Variants in RNF13 observed in about 807,000 individuals in gnomAD.
RNF13 encodes ring finger protein 13, also known as E3 ubiquitin-protein ligase RNF13.
In RNF13, 19 loss-of-function variants were observed where a neutral mutation model predicts 37.7. The observed-to-expected ratio is 0.50, with a 90% CI of 0.35 to 0.74. The LOEUF (loss-of-function observed/expected upper bound fraction) is 0.74, where lower values mean the gene tolerates loss of function less well. Ranked by LOEUF, RNF13 falls within the 30% of genes least tolerant of loss-of-function variation. RNF13 has a pLI of 0.01. For missense variants in RNF13, 375 were observed against 453.0 expected (o/e 0.83, Z 1.56); for synonymous variants, 144 against 157.8 (o/e 0.91, Z 0.65).
At chr3:149,913,219 A>G (rs1371383114) in intron 7 of RNF13, among the ~76,000 whole-genome samples, 1 of 152,072 alleles carries the variant, frequency 6.6e-6, no homozygotes, top group Admixed American at 6.6e-5. Context: ...AATGTTTTGC[A>G]TGTCTTTTTT....
rs1435275372 is a variant in RNF13, at chr3:149,960,856, C to G, written c.898C>G (p.Gln300Glu). 6.2e-7 allele frequency: 1 copy of G among 1,614,136 alleles called. No homozygotes were observed. Among genetic ancestry groups the G allele is most frequent in the Non-Finnish European group, 8.5e-7 (1 of 1,180,024 alleles). The change falls in exon 10 of 10, where the codon CAA becomes GAA. Residue 300 changes from glutamine (Q) to glutamate (E), a missense_variant. Transcript: ENST00000392894. ...TTCAGACTCTGACACAGACAGTAGT[C>G]AAGAAGAAAATGAAGTGACAGAACA... ...GDSDSDTDSS[Q>E]EENEVTEHTP...
intron 3 of RNF13, among the ~76,000 whole-genome samples, chr3:149,871,687 G>T (rs1712077771): frequency 6.6e-6 from 1 of 151,912 alleles, no homozygotes; most frequent in Non-Finnish European, 1.5e-5. Flanking sequence ...TAACATGAAA[G>T]AAAGTTAATT....
chr3:149,889,012 C>T (rs1714357818), intron 4 of RNF13, among the ~76,000 whole-genome samples: 1 of 152,140 alleles, frequency 6.6e-6, no homozygotes, highest in African/African-American at 2.4e-5. Flanking sequence ...GATCTCAGCT[C>T]ACTGCAACCT....
chr3:149,865,343 T>TATATATATATATATATATATATA (rs939468937), intron 3 of RNF13, among the ~76,000 whole-genome samples: 38 of 147,092 alleles, frequency 2.6e-4, no homozygotes, highest in South Asian at 6.5e-4. Flanking sequence ...TATATATATA[T>TATATATATATATATATATATATA]ATATATATGT....
chr3:149,884,744 T>C (rs1184856323), intron 4 of RNF13, among the ~76,000 whole-genome samples: 1 of 152,194 alleles, frequency 6.6e-6, no homozygotes, highest in Non-Finnish European at 1.5e-5. Context: ...TTATCCTTTG[T>C]GTTACATACA....
chr3:149,841,765 A>G (rs1434368475), intron 1 of RNF13, among the ~76,000 whole-genome samples: 1 of 151,744 alleles, frequency 6.6e-6, no homozygotes, highest in Non-Finnish European at 1.5e-5. Flanking sequence ...GATTGCAGCT[A>G]CTCAGCTACA....
chr3:149,875,376 A>G lies in RNF13; in HGVS notation c.321+3222A>G, dbSNP rs1712565207. On this transcript the variant is annotated intron_variant, in intron 4 of 9. Coordinates refer to ENST00000392894, the MANE Select transcript of RNF13 (RefSeq NM_183381.3). ...GATGATTAATGTTGGTGAGTATTTC[A>G]GGATTTTTACAACTCTTTTAGTTTT... Among the ~76,000 whole-genome samples the G allele has an allele frequency of 2.0e-5, 3 of 152,176 alleles. No homozygotes were observed. The South Asian group carries it at 6.2e-4, about 31-fold the overall frequency.
intron 4 of RNF13, among the ~76,000 whole-genome samples, chr3:149,894,123 A>T (rs949927162): frequency 2.0e-5 from 3 of 152,196 alleles, no homozygotes; most frequent in Non-Finnish European, 4.4e-5. Context: ...TAAACAAAGT[A>T]TTAATTTCTT....
At chr3:149,841,143 A>G (rs1427555564) in intron 1 of RNF13, among the ~76,000 whole-genome samples, 2 of 152,194 alleles carry the variant, frequency 1.3e-5, no homozygotes, top group African/African-American at 2.4e-5. Context: ...ATCAGGAGTC[A>G]TTTTTACCAT....
intron 3 of RNF13, among the ~76,000 whole-genome samples, chr3:149,859,951 T>C (rs1724049791): frequency 6.6e-6 from 1 of 151,886 alleles, no homozygotes; most frequent in African/African-American, 2.4e-5. Context: ...GCTGGAGACA[T>C]CACACTACCT....
intron 8 of RNF13, among the ~76,000 whole-genome samples, chr3:149,952,322 A>AT (rs751240104): frequency 6.6e-6 from 1 of 152,106 alleles, no homozygotes; most frequent in Non-Finnish European, 1.5e-5. Flanking sequence ...GCCGCAACAA[A>AT]TATTAGACTA....
chr3:149,955,469 A>C (rs1260534340), intron 8 of RNF13, among the ~76,000 whole-genome samples: 1 of 152,016 alleles, frequency 6.6e-6, no homozygotes, highest in African/African-American at 2.4e-5. Context: ...TTTTGTTGAG[A>C]TTTCTTGGGA....
intron 8 of RNF13, among the ~76,000 whole-genome samples, chr3:149,931,921 C>T (rs73157025): frequency 0.077 from 11,718 of 152,146 alleles, 496 homozygotes; most frequent in Middle Eastern, 0.099. Context: ...TTCCCACATA[C>T]GAGTGAGAAC....
At chr3:149,898,185 G>A (rs1715466787) in intron 5 of RNF13, among the ~76,000 whole-genome samples, 1 of 152,216 alleles carries the variant, frequency 6.6e-6, no homozygotes, top group Non-Finnish European at 1.5e-5. Context: ...GAAAACCCAT[G>A]CAATGGCAGA....
In RNF13 at chr3:149,954,403, T is replaced by A. The variant is rs111350101; in HGVS notation, c.701-5653T>A. The stretch of plus-strand genomic sequence containing the variant: ...TCTATAACATTTGTATTACCACCCT[T>A]ACCCTTACTCCTTACCCACCCACCT... On this transcript the variant is annotated intron_variant, in intron 8 of 9. Coordinates refer to ENST00000392894, the MANE Select transcript of RNF13 (RefSeq NM_183381.3). 8.9e-3 allele frequency among the ~76,000 whole-genome samples: 1,359 copies of A among 152,102 alleles called. 31 individuals carry two copies. The highest frequency in any genetic ancestry group is 0.03 in the African/African-American group (1,257 of 41,510).
chr3:149,877,544 CTT>C (rs1268576575), intron 4 of RNF13, among the ~76,000 whole-genome samples: 1 of 134,308 alleles, frequency 7.4e-6, no homozygotes, highest in African/African-American at 2.8e-5. Context: ...CCTTTCTAGA[CTT>C]ACCTTTCATT....
At chr3:149,903,969 GTCTA>G (rs1222365008) in intron 6 of RNF13, among the ~76,000 whole-genome samples, 316 of 149,442 alleles carry the variant, frequency 2.1e-3, no homozygotes, top group African/African-American at 5.9e-3. Flanking sequence ...CTGTCTGTCT[GTCTA>G]TCTATCTACC....
intron 1 of RNF13, among the ~76,000 whole-genome samples, chr3:149,824,781 G>C (rs1252612596): frequency 6.6e-6 from 1 of 150,702 alleles, no homozygotes; most frequent in African/African-American, 2.4e-5. Context: ...GTATCAAAAA[G>C]CTCCAAAAGA....
chr3:149,895,749 G>GTT (rs762543252), intron 5 of RNF13, among the ~76,000 whole-genome samples, 189 bp downstream of exon 5: 2 of 151,132 alleles, frequency 1.3e-5, no homozygotes, highest in Non-Finnish European at 3.0e-5. Flanking sequence ...TTTCTGAACA[G>GTT]TTTTTTTTTA....
Sources: allele counts gnomAD v4.1 joint callset (sites outside exome capture counted in the v4.1 genomes callset), GRCh38; gene constraint gnomAD v4.1.1; transcripts MANE v1.5; gene names NCBI Gene and HGNC (gene_info 2026-07-23, HGNC 2026-07-21).